The following MINK1 variants were observed in gnomAD, a reference collection of about 807,000 sequenced individuals.
The protein encoded by MINK1 is misshapen like kinase 1.
A neutral mutation model predicts 178.4 loss-of-function variants in MINK1; 46 were observed. The ratio of observed to expected loss-of-function variants is 0.26; its 90% CI spans 0.20 to 0.33. The LOEUF (loss-of-function observed/expected upper bound fraction) is 0.33, where lower values mean the gene tolerates loss of function less well. Ranked by LOEUF, MINK1 falls within the 10% of genes least tolerant of loss-of-function variation. The probability of loss-of-function intolerance (pLI) is 1.00; values close to 1 mark genes in which losing one functional copy is unlikely to be tolerated. For synonymous variants in MINK1, 797 were observed against 709.7 expected (o/e 1.12, Z -1.96); for missense variants, 1,366 against 1,814.9 (o/e 0.75, Z 4.49).
At chr17:4,879,319 C>A (rs938036597) in intron 2 of MINK1, among the ~76,000 whole-genome samples, 1 of 152,252 alleles carries the variant, frequency 6.6e-6, no homozygotes. Context: ...CTGGAGCCCC[C>A]TGGGGCCCGT....
At chr17:4,871,831 G>A (rs556017090) in intron 1 of MINK1, among the ~76,000 whole-genome samples, 11 of 152,232 alleles carry the variant, frequency 7.2e-5, no homozygotes, top group East Asian at 1.9e-4. Flanking sequence ...CCTCAGCAAC[G>A]CTTTTGATTG....
chr17:4,892,928 AG>A, intron 19 of MINK1, 50 bp from the exon 20 acceptor site: 1 of 1,482,866 alleles, frequency 6.7e-7, no homozygotes. Flanking sequence ...TGTGGGCTTG[AG>A]GCCATCCCTT....
chr17:4,869,901 A>T (rs1915644230), intron 1 of MINK1, among the ~76,000 whole-genome samples: 1 of 142,328 alleles, frequency 7.0e-6, no homozygotes, highest in African/African-American at 2.6e-5. Flanking sequence ...CAGTGGCGCA[A>T]TTTTTTTTCT....
At chr17:4,875,670 G>A (rs1222300081) in intron 1 of MINK1, 1 of 304,920 alleles carries the variant, frequency 3.3e-6, no homozygotes, top group Non-Finnish European at 6.5e-6. Flanking sequence ...TACTCGGGAG[G>A]CTGAGGCAGG....
rs115673042 is a variant in MINK1 at position 4,849,210 on chromosome 17, C to T, written c.57+15570C>T. Among the ~76,000 whole-genome samples the T allele has an allele frequency of 7.1e-3, 1,083 of 152,236 alleles. 15 individuals are homozygous for T. Among genetic ancestry groups the T allele is most frequent in the African/African-American group, 0.025 (1,024 of 41,518 alleles). ...AACTTCAAAATCTTCTATCTGAACACGAAACTCCTGTTTGTCCTGACTCAG... is the reference window on the plus strand; with the variant it reads ...AACTTCAAAATCTTCTATCTGAACATGAAACTCCTGTTTGTCCTGACTCAG... On this transcript the variant is annotated intron_variant, in intron 1 of 31. Transcript: ENST00000355280.
At chr17:4,852,527 T>C (rs1024319780) in intron 1 of MINK1, among the ~76,000 whole-genome samples, 4 of 151,080 alleles carry the variant, frequency 2.6e-5, no homozygotes, top group African/African-American at 9.8e-5. Context: ...ATGAACAGCA[T>C]GTGGAGACCC....
In MINK1 at chr17:4,872,140, G is replaced by A. The variant is rs186291948; in HGVS notation, c.58-6177G>A. On this transcript the variant is annotated intron_variant, in intron 1 of 31. Coordinates refer to ENST00000355280, the MANE Select transcript of MINK1 (RefSeq NM_153827.5). ...AGGTCAGGAGTTTGACACTGGCCTG[G>A]ACAACATGGTGAAATCCTGTCTCTA... Among the ~76,000 whole-genome samples the A allele has an allele frequency of 1.7e-4, 26 of 151,690 alleles. No homozygotes were observed. The East Asian group carries it at 4.9e-3, about 29-fold the overall frequency.
At chr17:4,884,845 A>T (rs576734071) in intron 5 of MINK1, 67 bp from the exon 6 acceptor site, 15 of 1,392,602 alleles carry the variant, frequency 1.1e-5, no homozygotes, top group South Asian at 8.5e-5. Flanking sequence ...CCCTCAACTC[A>T]CTCCCCACTT....
In MINK1 at chr17:4,884,601, C is replaced by T. The variant is rs538125699; in HGVS notation, c.417+128C>T. On this transcript the variant is annotated intron_variant, in intron 5 of 31. Transcript: ENST00000355280. ...TCTTTAGGGAGCAGCAGGCCTGATG[C>T]GGGTGGGATGTGGAAGCAGGGTCCA... 4.8e-5 allele frequency: 34 copies of T among 711,962 alleles called. No homozygotes were observed. In the Admixed American group the frequency reaches 5.8e-4, roughly 12 times the overall value. 44.1% of individuals were successfully genotyped at this position (711,962 alleles called of 1,614,324 possible). A position where few individuals can be genotyped will look rare whatever the true frequency, so the allele number is the denominator to read the frequency against.
chr17:4,843,434 C>T (rs1055955794), intron 1 of MINK1, among the ~76,000 whole-genome samples: 5 of 150,640 alleles, frequency 3.3e-5, no homozygotes, highest in Admixed American at 6.7e-5. Context: ...GCCTAGATTG[C>T]GTCACTGCAC....
chr17:4,895,944 G>A lies in MINK1; in HGVS notation c.3365-59G>A, dbSNP rs1000617596. On this transcript the variant is annotated intron_variant, in intron 27 of 31. Coordinates refer to ENST00000355280, the MANE Select transcript of MINK1 (RefSeq NM_153827.5). This position sits in a 1 kb window ranked among gnomAD's most constrained non-coding sequence, Gnocchi z 4.3. ...GGGGCAGTGTAGTGACAGACCACGG[G>A]GAGGCGCCCGTGGCGCAAGAAGGGA... 1.5e-5 allele frequency: 23 copies of A among 1,568,194 alleles called. No individual in the cohort carries two copies. The highest frequency in any genetic ancestry group is 2.0e-5 in the Non-Finnish European group (23 of 1,156,460).
chr17:4,895,417 G>C lies in MINK1; in HGVS notation c.3153G>C (p.Val1051=). The C allele has an allele frequency of 6.2e-7, 1 of 1,610,674 alleles. No individual in the cohort carries two copies. Among genetic ancestry groups the C allele is most frequent in the African/African-American group, 1.3e-5 (1 of 74,968 alleles). The change falls in exon 26 of 32, where the codon GTG becomes GTC. Residue 1051 remains valine, a synonymous_variant. Coordinates refer to ENST00000355280, the MANE Select transcript of MINK1 (RefSeq NM_153827.5). The surrounding 1 kb of genome is among the most constrained non-coding windows in gnomAD (Gnocchi z 4.3). ...MLLDRSGQGK[V]YGLIGRRRFQ... Reference sequence around the variant, plus strand: ...TGGACCGAAGTGGGCAGGGCAAGGTGTATGGACTCATTGGGCGGCGACGCT... The same window carrying C: ...TGGACCGAAGTGGGCAGGGCAAGGTCTATGGACTCATTGGGCGGCGACGCT...
At chr17:4,880,262 G>A (rs1373719023) in intron 2 of MINK1, among the ~76,000 whole-genome samples, 1 of 151,484 alleles carries the variant, frequency 6.6e-6, no homozygotes, top group East Asian at 1.9e-4. Flanking sequence ...TCACTGAGGT[G>A]TGTAGCCACA....
intron 1 of MINK1, among the ~76,000 whole-genome samples, chr17:4,876,061 CTGGGA>C (rs1967157482): frequency 6.6e-6 from 1 of 152,056 alleles, no homozygotes; most frequent in Admixed American, 6.5e-5. Context: ...TCTCAAAGTG[CTGGGA>C]TTACAGGCGT....
In MINK1 at chr17:4,897,328, C is replaced by T; in HGVS notation, c.*41C>T. On this transcript the variant is annotated 3_prime_UTR_variant, in exon 32 of 32. Transcript: ENST00000355280. Reference sequence around the variant, plus strand: ...GGGCTGTCCCACACTGGACCCAGCTCTCCCCCTGCAGCCAGGCTTCCCGGG... The same window carrying T: ...GGGCTGTCCCACACTGGACCCAGCTTTCCCCCTGCAGCCAGGCTTCCCGGG... 2 of 1,587,862 alleles carry T rather than the reference C, an allele frequency of 1.3e-6. No individual in the cohort carries two copies. Among genetic ancestry groups the T allele is most frequent in the Non-Finnish European group, 1.7e-6 (2 of 1,158,014 alleles).
chr17:4,895,756 C>T lies in MINK1; in HGVS notation c.3288C>T (p.His1096=), dbSNP rs1246794823. ...CCTGGCTCCGGAACAAGATTCTGCA[C>T]AATGACCCAGAAGTGGAGAAGAAGC... The part of the protein sequence containing the change: ...YLSWLRNKIL[H]NDPEVEKKQG... The change falls in exon 27 of 32, where the codon CAC becomes CAT. Residue 1096 remains histidine, a synonymous_variant. Transcript: ENST00000355280. This position sits in a 1 kb window ranked among gnomAD's most constrained non-coding sequence, Gnocchi z 4.3. 1 of 1,613,696 alleles carries T rather than the reference C, an allele frequency of 6.2e-7. No homozygotes were observed. The highest frequency in any genetic ancestry group is 1.3e-5 in the African/African-American group (1 of 74,900).
In MINK1 at chr17:4,833,775, T is replaced by G; in HGVS notation, c.57+135T>G. On this transcript the variant is annotated intron_variant, in intron 1 of 31. Transcript: ENST00000355280. This position sits in a 1 kb window ranked among gnomAD's most constrained non-coding sequence, Gnocchi z 4.8. ...GGTCCCCTTGGCGACCCGTGCCCCT[T>G]TCCCGGACTCCCGCCGCGGCTGGGC... 2 of 644,338 alleles carry G rather than the reference T, an allele frequency of 3.1e-6. No individual in the cohort carries two copies. Among genetic ancestry groups the G allele is most frequent in the Non-Finnish European group, 4.9e-6 (2 of 411,022 alleles). 39.9% of individuals were successfully genotyped at this position (644,338 alleles called of 1,614,324 possible).
chr17:4,886,435 C>A lies in MINK1; in HGVS notation c.774-16C>A. On this transcript the variant is annotated splice_polypyrimidine_tract_variant and intron_variant, in intron 9 of 31. Coordinates refer to ENST00000355280, the MANE Select transcript of MINK1 (RefSeq NM_153827.5). This position sits in a 1 kb window ranked among gnomAD's most constrained non-coding sequence, Gnocchi z 6.1. ...TCTGAGGGGACCCTCCCAGTGTGAG[C>A]CACCACTGTTTCCAGGTCTAAGAAG... 1 of 1,591,758 alleles carries A rather than the reference C, an allele frequency of 6.3e-7. No homozygotes were observed. Among genetic ancestry groups the A allele is most frequent in the African/African-American group, 1.3e-5 (1 of 74,686 alleles).
intron 20 of MINK1, 61 bp from the exon 21 acceptor site, chr17:4,893,373 C>A: frequency 6.2e-7 from 1 of 1,609,192 alleles, no homozygotes; most frequent in South Asian, 1.1e-5. Flanking sequence ...TCCCGGCACC[C>A]TTTGTCTACC....
Sources: allele counts gnomAD v4.1 joint callset (sites outside exome capture counted in the v4.1 genomes callset), GRCh38; gene constraint gnomAD v4.1.1; non-coding constraint Gnocchi (gnomAD v3.1); transcripts MANE v1.5; gene names NCBI Gene and HGNC (gene_info 2026-07-23, HGNC 2026-07-21).